Variants in BCL2 observed in about 807,000 individuals in gnomAD.
The protein encoded by BCL2 is apoptosis regulator Bcl-2.
In BCL2, 1 loss-of-function variant was observed where a neutral mutation model predicts 14.2. The observed-to-expected ratio is 0.07, with a 90% CI of 0.02 to 0.33. BCL2 has a LOEUF of 0.33. Among genes scored for constraint, BCL2 ranks in the 10% least tolerant of loss-of-function variants. The probability of loss-of-function intolerance (pLI) is 0.99; values close to 1 mark genes in which losing one functional copy is unlikely to be tolerated. For missense variants in BCL2, 247 were observed against 305.9 expected (o/e 0.81, Z 1.44); for synonymous variants, 151 against 137.2 (o/e 1.10, Z -0.70).
chr18:63,157,236 G>A (rs1233872441), intron 2 of BCL2, among the ~76,000 whole-genome samples: 1 of 152,234 alleles, frequency 6.6e-6, no homozygotes, highest in Non-Finnish European at 1.5e-5. Context: ...GAGTCCCGGA[G>A]AGGTGAACTG....
At chr18:63,237,418 C>T (rs1451250188) in intron 2 of BCL2, among the ~76,000 whole-genome samples, 1 of 152,160 alleles carries the variant, frequency 6.6e-6, no homozygotes, top group East Asian at 1.9e-4. Flanking sequence ...TTTAAAAATG[C>T]GATACAAGAT....
At chr18:63,166,311 G>C (rs771492232) in intron 2 of BCL2, among the ~76,000 whole-genome samples, 2 of 152,210 alleles carry the variant, frequency 1.3e-5, no homozygotes, top group Non-Finnish European at 2.9e-5. Flanking sequence ...CTTGGAAGAC[G>C]AGAGGATTTG....
intron 2 of BCL2, among the ~76,000 whole-genome samples, chr18:63,209,077 T>A (rs56252932): frequency 0.039 from 5,971 of 152,304 alleles, 386 homozygotes; most frequent in African/African-American, 0.14. Context: ...ACAGTCACCC[T>A]GGCAAAAGGC....
chr18:63,246,375 G>C (rs1187580277), intron 2 of BCL2, among the ~76,000 whole-genome samples: 3 of 152,086 alleles, frequency 2.0e-5, no homozygotes, highest in Admixed American at 6.6e-5. Flanking sequence ...CCGTGTTCAC[G>C]CTGCTGGTAA....
chr18:63,300,466 C>CTCTG (rs1555709274), intron 2 of BCL2, among the ~76,000 whole-genome samples: 328 of 148,110 alleles, frequency 2.2e-3, no homozygotes, highest in Middle Eastern at 3.5e-3. Flanking sequence ...CTCTCTCTCT[C>CTCTG]TGTGTGTGTG....
chr18:63,267,234 GGGTA>G (rs772645361), intron 2 of BCL2, among the ~76,000 whole-genome samples: 17 of 152,340 alleles, frequency 1.1e-4, no homozygotes, highest in Non-Finnish European at 2.1e-4. Context: ...TTCCGTGCTT[GGGTA>G]GGTTTTCCTA....
At chr18:63,250,894 G>A (rs1425561119) in intron 2 of BCL2, among the ~76,000 whole-genome samples, 1 of 152,148 alleles carries the variant, frequency 6.6e-6, no homozygotes, top group African/African-American at 2.4e-5. Flanking sequence ...TCACTAACAT[G>A]CAACCCAGCT....
At chr18:63,230,203 T>C (rs1416672315) in intron 2 of BCL2, among the ~76,000 whole-genome samples, 1 of 152,114 alleles carries the variant, frequency 6.6e-6, no homozygotes, top group East Asian at 1.9e-4. Context: ...AAAATTGAGA[T>C]AGATAAAACC....
At chr18:63,308,753 G>GACACACAC (rs145547473) in intron 2 of BCL2, among the ~76,000 whole-genome samples, 1 of 149,584 alleles carries the variant, frequency 6.7e-6, no homozygotes, top group Non-Finnish European at 1.5e-5. Flanking sequence ...GGACATTTCA[G>GACACACAC]ACACACACAC....
intron 2 of BCL2, among the ~76,000 whole-genome samples, chr18:63,131,277 T>G (rs1168774961): frequency 2.6e-5 from 4 of 152,124 alleles, no homozygotes; most frequent in Non-Finnish European, 2.9e-5. Context: ...TCTTTGGAGG[T>G]CCTTGGTTAA....
At chr18:63,168,190 A>G (rs1317388597) in intron 2 of BCL2, among the ~76,000 whole-genome samples, 2 of 152,236 alleles carry the variant, frequency 1.3e-5, no homozygotes, top group South Asian at 2.1e-4. Flanking sequence ...TCCATTGCCA[A>G]TGTACCAAGG....
intron 2 of BCL2, among the ~76,000 whole-genome samples, chr18:63,266,743 A>C (rs1911844781): frequency 6.6e-6 from 1 of 151,942 alleles, no homozygotes; most frequent in African/African-American, 2.4e-5. Context: ...AGGCTGTGTG[A>C]CCTTGGGCAA....
At chr18:63,151,495 G>A (rs1412909339) in intron 2 of BCL2, among the ~76,000 whole-genome samples, 1 of 117,112 alleles carries the variant, frequency 8.5e-6, no homozygotes, top group East Asian at 2.9e-4. Context: ...GATGGGGGGC[G>A]ATAACAGATG....
At chr18:63,238,547 A>T (rs994762348) in intron 2 of BCL2, among the ~76,000 whole-genome samples, 1 of 152,140 alleles carries the variant, frequency 6.6e-6, no homozygotes, top group South Asian at 2.1e-4. Context: ...AAATGTATGT[A>T]TTTGCAATGT....
intron 2 of BCL2, among the ~76,000 whole-genome samples, chr18:63,188,248 G>A (rs1156827635): frequency 1.3e-5 from 2 of 152,212 alleles, no homozygotes; most frequent in Non-Finnish European, 2.9e-5. Context: ...TATGGAAATA[G>A]TACAGTCTTT....
chr18:63,299,164 C>T (rs2850761), intron 2 of BCL2, among the ~76,000 whole-genome samples: 63,584 of 152,222 alleles, frequency 0.42, 15,735 homozygotes, highest in Non-Finnish European at 0.55. Context: ...TGAACCTCTG[C>T]TTTATCACTG....
chr18:63,230,904 GA>G (rs149886596), intron 2 of BCL2, among the ~76,000 whole-genome samples: 40 of 148,424 alleles, frequency 2.7e-4, no homozygotes, highest in South Asian at 2.3e-3. Flanking sequence ...CAAAAAATCT[GA>G]AAAAAAAAAT....
intron 2 of BCL2, among the ~76,000 whole-genome samples, chr18:63,138,369 G>A (rs974912029): frequency 1.3e-5 from 2 of 152,232 alleles, no homozygotes; most frequent in South Asian, 2.1e-4. Flanking sequence ...AGAGGGTTCC[G>A]TCTGCAGAGC....
At chr18:63,195,166 T>C (rs1212675683) in intron 2 of BCL2, among the ~76,000 whole-genome samples, 4 of 152,008 alleles carry the variant, frequency 2.6e-5, no homozygotes, top group African/African-American at 9.7e-5. Flanking sequence ...AAGCTGGGGA[T>C]TGGGAGCTAA....
Sources: allele counts gnomAD v4.1 joint callset (sites outside exome capture counted in the v4.1 genomes callset), GRCh38; gene constraint gnomAD v4.1.1; transcripts MANE v1.5; gene names NCBI Gene and HGNC (gene_info 2026-07-23, HGNC 2026-07-21).